Variants in TMEM231 observed in about 807,000 individuals in gnomAD.
The protein encoded by TMEM231 is transmembrane protein 231.
Under a neutral mutation model 38.5 loss-of-function variants are expected in TMEM231, and 40 were observed. That is an observed-to-expected ratio of 1.04 (90% CI 0.81 to 1.35). The LOEUF (loss-of-function observed/expected upper bound fraction) is 1.35, where lower values mean the gene tolerates loss of function less well. TMEM231 is among the 40% of genes most tolerant of loss of function. The pLI is 0.00. For synonymous variants in TMEM231, 199 were observed against 181.7 expected, an observed-to-expected ratio of 1.10 and a Z score of -0.77; for missense variants, 420 against 416.9, an observed-to-expected ratio of 1.01 and a Z score of -0.07.
chr16:75,549,460 G>C (rs2080730676), intron 2 of TMEM231, among the ~76,000 whole-genome samples: 1 of 152,164 alleles, frequency 6.6e-6, no homozygotes, highest in African/African-American at 2.4e-5. Context: ...TATCCCAGGA[G>C]AGATGTGGGT....
In TMEM231 at chr16:75,539,952, T is replaced by C; in HGVS notation, c.*42A>G. ...CTAAGATGTTCCCAGAAGATGACAA[T>C]GAGGCAGCCACGGTCCTGCTGAGTC... On this transcript the variant is annotated 3_prime_UTR_variant, in exon 7 of 7. Coordinates refer to ENST00000258173, the MANE Select transcript of TMEM231 (RefSeq NM_001077418.3). 6.4e-7 allele frequency: 1 copy of C among 1,551,696 alleles called. No individual in the cohort carries two copies. The highest frequency in any genetic ancestry group is 8.7e-7 in the Non-Finnish European group (1 of 1,144,904).
At chr16:75,551,251 G>A (rs539909080) in intron 2 of TMEM231, among the ~76,000 whole-genome samples, 19 of 152,032 alleles carry the variant, frequency 1.2e-4, no homozygotes, top group Non-Finnish European at 2.5e-4. Flanking sequence ...AGGCTAGAGT[G>A]CAGTGGCACG....
intron 2 of TMEM231, chr16:75,555,545 C>T: frequency 2.2e-6 from 1 of 452,990 alleles, no homozygotes; most frequent in Non-Finnish European, 3.9e-6. Context: ...CCCCACACTT[C>T]TGGACTCTGT....
chr16:75,548,877 A>G (rs973930329), intron 2 of TMEM231, among the ~76,000 whole-genome samples: 1 of 152,178 alleles, frequency 6.6e-6, no homozygotes, highest in African/African-American at 2.4e-5. Context: ...CAAACAAACA[A>G]CAAAAAAACC....
In TMEM231 at chr16:75,538,788, GTGAATGGGC is replaced by G. The variant is rs1192206930; in HGVS notation, c.*1197_*1205del. The G allele has an allele frequency of 6.6e-6, 1 of 152,244 alleles. No homozygotes were observed. The highest frequency in any genetic ancestry group is 1.5e-5 in the Non-Finnish European group (1 of 68,068). 9.4% of individuals were successfully genotyped at this position (152,244 alleles called of 1,614,324 possible). On this transcript the variant is annotated 3_prime_UTR_variant, in exon 7 of 7. Transcript: ENST00000258173. Reference sequence around the variant, plus strand: ...AGGAGACTGCCCACATCCTCAGGAGGTGAATGGGCTGAACAAGCCATCTTCCGTGTGCAG... The same window carrying G: ...AGGAGACTGCCCACATCCTCAGGAGGTGAACAAGCCATCTTCCGTGTGCAG...
chr16:75,551,718 T>C (rs972133132), intron 2 of TMEM231, among the ~76,000 whole-genome samples: 3 of 152,062 alleles, frequency 2.0e-5, no homozygotes, highest in East Asian at 1.9e-4. Context: ...TCCCAGCACT[T>C]TGGGAAGCCG....
chr16:75,541,295 T>C lies in TMEM231; in HGVS notation c.770+55A>G, dbSNP rs1294772183. The C allele has an allele frequency of 1.0e-5, 14 of 1,346,904 alleles. No individual in the cohort carries two copies. The East Asian group carries it at 1.3e-4, about 13-fold the overall frequency. The allele number at this position is 1,346,904 out of a possible 1,614,324, so 83.4% of individuals were successfully genotyped here. A position where few individuals can be genotyped will look rare whatever the true frequency, so the allele number is the denominator to read the frequency against. The stretch of plus-strand genomic sequence containing the variant: ...TTGGCCTCCCAAAGTGCTGAAATTA[T>C]AGGCAGGAGCCACCACATCCAGCCT... On this transcript the variant is annotated intron_variant, in intron 6 of 6. Transcript: ENST00000258173.
chr16:75,544,999 A>C (rs1597040802), intron 4 of TMEM231, among the ~76,000 whole-genome samples: 1 of 119,404 alleles, frequency 8.4e-6, no homozygotes, highest in Admixed American at 1.2e-4. Context: ...TCTGTTGCCC[A>C]GGCTGGAGTG....
intron 5 of TMEM231, chr16:75,542,039 G>A (rs1250288584): frequency 6.4e-6 from 1 of 156,078 alleles, no homozygotes; most frequent in African/African-American, 2.4e-5. Context: ...ATGTCTGCTT[G>A]CCAAGTAACA....
intron 2 of TMEM231, chr16:75,555,208 A>G (rs1025668462): frequency 6.6e-6 from 1 of 152,292 alleles, no homozygotes; most frequent in South Asian, 2.1e-4. Context: ...ATAAATAAAT[A>G]AATTACAGAC....
intron 2 of TMEM231, among the ~76,000 whole-genome samples, chr16:75,553,408 G>A (rs986884094): frequency 6.6e-6 from 1 of 152,090 alleles, no homozygotes; most frequent in Admixed American, 6.5e-5. Flanking sequence ...TACCAGAGTT[G>A]AGGAGTTCTA....
intron 2 of TMEM231, among the ~76,000 whole-genome samples, chr16:75,547,555 C>T (rs1398343330): frequency 1.3e-5 from 2 of 151,520 alleles, no homozygotes; most frequent in Non-Finnish European, 2.9e-5. Flanking sequence ...GCCTGCCTTG[C>T]GGATCATGAG....
chr16:75,546,629 G>A (rs923167762), intron 2 of TMEM231, among the ~76,000 whole-genome samples: 2 of 152,096 alleles, frequency 1.3e-5, no homozygotes, highest in African/African-American at 2.4e-5. Context: ...TTTTAGTAGA[G>A]ACTGGGTCTC....
Position 75,545,909 on chromosome 16 carries a change from G to A in TMEM231, c.355C>T (p.His119Tyr), listed in dbSNP as rs1445185707. Residue 119 changes from histidine to tyrosine, a missense_variant, in exon 3 of 7, where the codon CAT becomes TAT. Physicochemically the swap from His to Tyr is moderately conservative, Grantham distance 83 (BLOSUM62 2). Coordinates refer to ENST00000258173, the MANE Select transcript of TMEM231 (RefSeq NM_001077418.3). ...TGCAGGGGAAGCTCCAGCTTAAAATGTAACATGTCCGTCTTCCCATCCTGG... is the reference window on the plus strand; with the variant it reads ...TGCAGGGGAAGCTCCAGCTTAAAATATAACATGTCCGTCTTCCCATCCTGG... ...RNQDGKTDML[H>Y]FKLELPLQST... 3.3e-6 allele frequency: 5 copies of A among 1,513,288 alleles called. No individual in the cohort carries two copies. The South Asian group carries it at 4.9e-5, about 15-fold the overall frequency. The allele number at this position is 1,513,288 out of a possible 1,614,324, so 93.7% of individuals were successfully genotyped here. A position where few individuals can be genotyped will look rare whatever the true frequency, so the allele number is the denominator to read the frequency against.
At chr16:75,551,686 G>A (rs929491507) in intron 2 of TMEM231, among the ~76,000 whole-genome samples, 1 of 152,124 alleles carries the variant, frequency 6.6e-6, no homozygotes, top group African/African-American at 2.4e-5. Flanking sequence ...AAATAGGTCG[G>A]GGCAGTGGCT....
intron 2 of TMEM231, among the ~76,000 whole-genome samples, chr16:75,547,216 G>A (rs1277706639): frequency 2.0e-5 from 3 of 152,134 alleles, no homozygotes; most frequent in African/African-American, 7.2e-5. Flanking sequence ...ATTCCCATCT[G>A]GATCCACCAT....
rs1555505529 is a variant in TMEM231, at chr16:75,555,980, T to G, written c.140-7A>C. The G allele has an allele frequency of 6.3e-7, 1 of 1,599,506 alleles. No individual in the cohort carries two copies. Among genetic ancestry groups the G allele is most frequent in the East Asian group, 2.3e-5 (1 of 44,156 alleles). On this transcript the variant is annotated splice_polypyrimidine_tract_variant and splice_region_variant and intron_variant, in intron 1 of 6. Coordinates refer to ENST00000258173, the MANE Select transcript of TMEM231 (RefSeq NM_001077418.3). The stretch of plus-strand genomic sequence containing the variant: ...CTCCGCTTCAGCCAAAACCCTGAGT[T>G]AAAGAGGGCGGTAGGGAGGCGGTTA...
chr16:75,556,010 G>A (rs756225620), intron 1 of TMEM231, 37 bp from the exon 2 acceptor site: 1 of 1,575,736 alleles, frequency 6.3e-7, no homozygotes, highest in Non-Finnish European at 8.6e-7. Flanking sequence ...CGGTTAGGGA[G>A]GCCGGCCCTG....
chr16:75,542,603 G>A lies in TMEM231; in HGVS notation c.663C>T (p.Asn221=), dbSNP rs776287219. Residue 221 remains asparagine (N), a splice_region_variant and synonymous_variant, in exon 5 of 7, where the codon AAC becomes AAT. Coordinates refer to ENST00000258173, the MANE Select transcript of TMEM231 (RefSeq NM_001077418.3). ...THIVAAYQER[N]VTTVLNDPNP... ...GAATGGGCTCTACCTGTGACTCACCGTTCCTCTCCTGGTAGGCAGCAACAA... is the reference window on the plus strand; with the variant it reads ...GAATGGGCTCTACCTGTGACTCACCATTCCTCTCCTGGTAGGCAGCAACAA... The A allele has an allele frequency of 2.0e-5, 33 of 1,613,500 alleles. No homozygotes were observed. Among genetic ancestry groups the A allele is most frequent in the African/African-American group, 1.7e-4 (13 of 74,884 alleles).
Sources: gnomAD v4.1 joint callset for allele counts (sites outside exome capture counted in the v4.1 genomes callset) on GRCh38, gnomAD v4.1.1 for gene constraint, MANE v1.5 for transcripts, NCBI Gene and HGNC (gene_info 2026-07-23, HGNC 2026-07-21) for gene names.